C12orf42: variants seen among roughly 807,000 people sequenced by gnomAD.
C12orf42 encodes chromosome 12 open reading frame 42.
Under a neutral mutation model 21.6 loss-of-function variants are expected in C12orf42, and 25 were observed. The observed-to-expected ratio is 1.16, with a 90% confidence interval of 0.84 to 1.62. The LOEUF is 1.62. C12orf42 is among the 40% of genes most tolerant of loss of function. The pLI, the probability that C12orf42 is intolerant of heterozygous loss-of-function variation, is 0.00. For missense variants in C12orf42, 483 were observed against 459.3 expected (o/e 1.05, Z -0.47); for synonymous variants, 174 against 175.0 (o/e 0.99, Z 0.05).
At chr12:103,318,350 A>G (rs939779489) in intron 4 of C12orf42, among the ~76,000 whole-genome samples, 1 of 152,156 alleles carries the variant, frequency 6.6e-6, no homozygotes, top group Non-Finnish European at 1.5e-5. Flanking sequence ...CTTCTTGTGC[A>G]TGTACCCTAG....
intron 10 of C12orf42, among the ~76,000 whole-genome samples, chr12:103,244,043 G>A (rs1465366422): frequency 6.6e-6 from 1 of 152,046 alleles, no homozygotes; most frequent in Non-Finnish European, 1.5e-5. Context: ...GTTCAGCCAG[G>A]GTTAAGAACT....
At chr12:103,147,623 C>CTCTTT in the C12orf42 span, among the ~76,000 whole-genome samples, 2 of 99,314 alleles carry the variant, frequency 2.0e-5, no homozygotes, top group Non-Finnish European at 3.7e-5. Flanking sequence ...TTCTCTCTCT[C>CTCTTT]TTTTTTTTTT....
At chr12:103,440,457 CAAAAAAAAAAA>C in intron 2 of C12orf42, among the ~76,000 whole-genome samples, 4 of 69,668 alleles carry the variant, frequency 5.7e-5, no homozygotes, top group Non-Finnish European at 7.4e-5. Context: ...TCACAGATAC[CAAAAAAAAAAA>C]AAAAAAAAAA....
intron 4 of C12orf42, chr12:103,349,310 C>A (rs1374338521): frequency 1.3e-5 from 2 of 151,864 alleles, no homozygotes; most frequent in East Asian, 3.9e-4. Flanking sequence ...CTTGAGAAGC[C>A]CACCTTTAAT....
intron 4 of C12orf42, among the ~76,000 whole-genome samples, chr12:103,312,369 G>C (rs1182315137): frequency 6.6e-6 from 1 of 152,202 alleles, no homozygotes; most frequent in African/African-American, 2.4e-5. Flanking sequence ...CAAAGGCTGG[G>C]CACTGACCAT....
chr12:103,106,366 T>G, the C12orf42 span, among the ~76,000 whole-genome samples: 1 of 151,734 alleles, frequency 6.6e-6, no homozygotes, highest in Admixed American at 6.6e-5. Context: ...CAAGAAGCAA[T>G]GGTGAAAAAA....
chr12:103,302,392 C>A lies in C12orf42; in HGVS notation c.799G>T (p.Gly267Cys). Residue 267 changes from glycine to cysteine, a missense_variant, in exon 6 of 6, where the codon GGC becomes TGC. By Grantham distance (159) the Gly-to-Cys change is radical (BLOSUM62 -3). Transcript: ENST00000548883. ...HPDDIQSRLL[G>C]ASGNPVGKGA... Reference sequence around the variant, plus strand: ...TTTCCGACGGGATTTCCGGACGCGCCCAGGAGTCTGCTTTGGATGTCGTCG... The same window carrying A: ...TTTCCGACGGGATTTCCGGACGCGCACAGGAGTCTGCTTTGGATGTCGTCG... 6.2e-7 allele frequency: 1 copy of A among 1,613,902 alleles called. No homozygotes were observed.
At chr12:103,385,209 T>C (rs770005501) in intron 3 of C12orf42, among the ~76,000 whole-genome samples, 9 of 152,204 alleles carry the variant, frequency 5.9e-5, no homozygotes, top group Non-Finnish European at 1.0e-4. Context: ...AGAAACACTA[T>C]TGCTGAAAAA....
the C12orf42 span, among the ~76,000 whole-genome samples, chr12:103,118,245 GCCTGGTACACA>G: frequency 6.6e-6 from 1 of 152,144 alleles, no homozygotes; most frequent in Non-Finnish European, 1.5e-5. Flanking sequence ...TATCTCCGGT[GCCTGGTACACA>G]CACCAAAAGG....
intron 5 of C12orf42, among the ~76,000 whole-genome samples, chr12:103,271,510 A>G (rs982016072): frequency 3.9e-5 from 6 of 152,190 alleles, no homozygotes; most frequent in African/African-American, 1.2e-4. Context: ...GACTCCAGCA[A>G]GATATTCCCT....
At chr12:103,296,266 A>T (rs1202933399) in intron 4 of C12orf42, among the ~76,000 whole-genome samples, 1 of 151,994 alleles carries the variant, frequency 6.6e-6, no homozygotes, top group Admixed American at 6.6e-5. Flanking sequence ...TCTATCATTG[A>T]TAGACATTTG....
chr12:103,058,996 TAG>T, the C12orf42 span, among the ~76,000 whole-genome samples: 1 of 151,598 alleles, frequency 6.6e-6, no homozygotes, highest in Admixed American at 6.6e-5. Flanking sequence ...CTGAAGGAGA[TAG>T]AGACATGAAA....
At chr12:103,219,691 C>T in the C12orf42 span, among the ~76,000 whole-genome samples, 1 of 152,126 alleles carries the variant, frequency 6.6e-6, no homozygotes, top group Admixed American at 6.5e-5. Context: ...CAGAGAAATG[C>T]AAATCAAAAC....
intron 4 of C12orf42, among the ~76,000 whole-genome samples, chr12:103,280,882 A>G (rs2036073240): frequency 6.6e-6 from 1 of 152,130 alleles, no homozygotes; most frequent in Admixed American, 6.5e-5. Context: ...AGCCACTGAG[A>G]GGAAAATGTG....
At chr12:103,507,542 G>A in the C12orf42 span, among the ~76,000 whole-genome samples, 2 of 151,108 alleles carry the variant, frequency 1.3e-5, no homozygotes, top group South Asian at 4.2e-4. Flanking sequence ...GTGGGGTGTG[G>A]CGGCACACAC....
intron 2 of C12orf42, among the ~76,000 whole-genome samples, chr12:103,426,734 A>C (rs980741691): frequency 6.6e-6 from 1 of 152,256 alleles, no homozygotes; most frequent in South Asian, 2.1e-4. Flanking sequence ...AACAAAGGGA[A>C]GTCCATCAGA....
the C12orf42 span, among the ~76,000 whole-genome samples, chr12:103,147,967 A>C: frequency 4.4e-4 from 67 of 152,288 alleles, no homozygotes; most frequent in South Asian, 8.3e-4. Context: ...ACAATAAGAG[A>C]AATAAATGTT....
the C12orf42 span, among the ~76,000 whole-genome samples, chr12:103,179,317 T>A: frequency 2.0e-5 from 3 of 152,128 alleles, no homozygotes; most frequent in Non-Finnish European, 2.9e-5. Context: ...AAACCCAGAG[T>A]GGTTTGTGGC....
intron 10 of C12orf42, among the ~76,000 whole-genome samples, chr12:103,241,877 T>C (rs987255434): frequency 1.3e-5 from 2 of 152,172 alleles, no homozygotes; most frequent in African/African-American, 4.8e-5. Context: ...CCTGTGTTAT[T>C]AGTCTTTTTC....
Sources: gnomAD v4.1 joint callset for allele counts (sites outside exome capture counted in the v4.1 genomes callset) on GRCh38, gnomAD v4.1.1 for gene constraint, MANE v1.5 for transcripts, NCBI Gene and HGNC (gene_info 2026-07-23, HGNC 2026-07-21) for gene names.